The following NSD2 variants were observed in gnomAD, a reference collection of about 807,000 sequenced individuals.
NSD2 encodes nuclear receptor binding SET domain protein 2, also known as histone-lysine N-methyltransferase NSD2.
Under a neutral mutation model 139.0 loss-of-function variants are expected in NSD2, and 12 were observed. The observed-to-expected ratio is 0.09, with a 90% CI of 0.06 to 0.14. The LOEUF is 0.14. NSD2 is among the 10% of genes least tolerant of loss of function. NSD2 has a pLI of 1.00. For missense variants in NSD2, 1,155 were observed against 1,745.0 expected (o/e 0.66, Z 6.02); for synonymous variants, 669 against 648.7 (o/e 1.03, Z -0.48).
intron 5 of NSD2, among the ~76,000 whole-genome samples, chr4:1,922,965 A>G (rs1720355116): frequency 1.3e-5 from 2 of 152,092 alleles, no homozygotes; most frequent in Admixed American, 1.3e-4. Context: ...GGGCAGTGAT[A>G]TGGCCCAAGA....
rs115981044 is a variant in NSD2, at chr4:1,939,335, T to G, written c.1757-319T>G. 856 of 334,198 alleles carry G rather than the reference T, an allele frequency of 2.6e-3. 6 individuals are homozygous for G. The highest frequency in any genetic ancestry group is 0.017 in the African/African-American group (811 of 48,622). The allele number at this position is 334,198 out of a possible 1,614,324, so 20.7% of individuals were successfully genotyped here. A position where few individuals can be genotyped will look rare whatever the true frequency, so the allele number is the denominator to read the frequency against. The stretch of plus-strand genomic sequence containing the variant: ...TATGTTTAGAGATTTGTGCTAAACT[T>G]CTTATGGATGAAATGATATGTCTGG... On this transcript the variant is annotated intron_variant, in intron 8 of 21. Coordinates refer to ENST00000508803, the MANE Select transcript of NSD2 (RefSeq NM_001042424.3).
intron 1 of NSD2, among the ~76,000 whole-genome samples, chr4:1,877,584 C>G (rs1411909893): frequency 6.6e-6 from 1 of 152,150 alleles, no homozygotes; most frequent in Non-Finnish European, 1.5e-5. Context: ...TTCCTTCTGC[C>G]AGGTCTCAGC....
At chr4:1,960,448 T>A (rs929419730) in intron 17 of NSD2, among the ~76,000 whole-genome samples, 11 of 152,206 alleles carry the variant, frequency 7.2e-5, no homozygotes, top group African/African-American at 2.7e-4. Context: ...ACCTCCTGCC[T>A]CTGCTCCCAG....
chr4:1,963,165 G>A (rs1342122353), intron 18 of NSD2, among the ~76,000 whole-genome samples: 1 of 152,224 alleles, frequency 6.6e-6, no homozygotes, highest in African/African-American at 2.4e-5. Flanking sequence ...AAATAGGAAA[G>A]CTTTGCAGGG....
intron 9 of NSD2, chr4:1,945,263 T>C (rs1027485444): frequency 6.7e-5 from 71 of 1,066,470 alleles, no homozygotes; most frequent in Non-Finnish European, 8.0e-5. Context: ...GAGAGTCTCA[T>C]GTAGCTGGAG....
chr4:1,935,748 C>T lies in NSD2; in HGVS notation c.1674+486C>T, dbSNP rs894466848. 2.0e-5 allele frequency among the ~76,000 whole-genome samples: 3 copies of T among 152,136 alleles called. No individual in the cohort carries two copies. The East Asian group carries it at 5.8e-4, about 29-fold the overall frequency. On this transcript the variant is annotated intron_variant, in intron 7 of 21. Transcript: ENST00000508803. The stretch of plus-strand genomic sequence containing the variant: ...TGGTGGCGTGCACCTGTAATCCCAG[C>T]TACTCAAGAGGCTGAGGCAGGAGAA...
At position 1,942,120 on chromosome 4, in the gene NSD2, A is replaced by G; in HGVS notation, c.1881+2342A>G. ...AACACTTTAGGTCATGTTGTAGTTT[A>G]AATTCTTCTTGAAAAAGGTATATGT... On this transcript the variant is annotated intron_variant, in intron 9 of 21. Coordinates refer to ENST00000508803, the MANE Select transcript of NSD2 (RefSeq NM_001042424.3). The surrounding 1 kb of genome is among the most constrained non-coding windows in gnomAD (Gnocchi z 4.0). 7.9e-7 allele frequency: 1 copy of G among 1,267,654 alleles called. No homozygotes were observed. Among genetic ancestry groups the G allele is most frequent in the Non-Finnish European group, 1.0e-6 (1 of 1,002,552 alleles). The allele number at this position is 1,267,654 out of a possible 1,614,324, so 78.5% of individuals were successfully genotyped here.
At position 1,938,387 on chromosome 4, in the gene NSD2, CCTTTTTTT is replaced by C. The variant is rs1577493450; in HGVS notation, c.1675-58_1675-51del. The C allele has an allele frequency of 2.1e-5, 23 of 1,092,514 alleles. No individual in the cohort carries two copies. In the East Asian group the frequency reaches 6.4e-4, roughly 31 times the overall value. The allele number at this position is 1,092,514 out of a possible 1,614,324, so 67.7% of individuals were successfully genotyped here. On this transcript the variant is annotated intron_variant, in intron 7 of 21. Coordinates refer to ENST00000508803, the MANE Select transcript of NSD2 (RefSeq NM_001042424.3). Reference sequence around the variant, plus strand: ...TTTGTTGTTCTTTTTCTTTTTTTTTCCTTTTTTTCTTTTCTTTTTTTTTTCTTTCTTTT... The same window carrying C: ...TTTGTTGTTCTTTTTCTTTTTTTTTCCTTTTCTTTTTTTTTTCTTTCTTTT...
In NSD2 at chr4:1,980,424, AAAATAACCTAAGGGGG is replaced by A. The variant is rs1727644109; in HGVS notation, c.*1517_*1532del. The A allele has an allele frequency of 4.3e-6, 1 of 233,006 alleles. No homozygotes were observed. Among genetic ancestry groups the A allele is most frequent in the African/African-American group, 2.2e-5 (1 of 45,316 alleles). The allele number at this position is 233,006 out of a possible 1,614,324, so 14.4% of individuals were successfully genotyped here. ...AGGTGCTTTTTTATGGCCTTTTCTT[AAAATAACCTAAGGGGG>A]ACACATCCATCTTGCAGAGAAGTTT... On this transcript the variant is annotated 3_prime_UTR_variant, in exon 22 of 22. Transcript: ENST00000508803.
At chr4:1,957,364 A>G (rs1577541995) in intron 15 of NSD2, among the ~76,000 whole-genome samples, 1 of 143,318 alleles carries the variant, frequency 7.0e-6, no homozygotes, top group Admixed American at 6.9e-5. Flanking sequence ...GCTCACTGCA[A>G]CCTCCACCTC....
intron 9 of NSD2, chr4:1,947,867 T>C (rs1412933545): frequency 8.5e-6 from 9 of 1,053,474 alleles, no homozygotes; most frequent in Non-Finnish European, 1.0e-5. Context: ...AAAAACTCAA[T>C]GTGTATGACG....
chr4:1,877,882 A>T (rs1203978122), intron 1 of NSD2, among the ~76,000 whole-genome samples: 1 of 151,834 alleles, frequency 6.6e-6, no homozygotes, highest in Non-Finnish European at 1.5e-5. Context: ...CTCTGTTGTG[A>T]CCAGGTACTA....
chr4:1,926,181 A>C (rs534063555), intron 5 of NSD2, among the ~76,000 whole-genome samples: 6 of 130,210 alleles, frequency 4.6e-5, no homozygotes, highest in Non-Finnish European at 9.5e-5. Flanking sequence ...TTTAAGACGT[A>C]GTCTCGCACT....
At position 1,872,591 on chromosome 4, in the gene NSD2, T is replaced by TGAGAGAGAGAGAGAGAGAGAGA. The variant is rs1200688066; in HGVS notation, c.-30+1073_-30+1094dup. Among the ~76,000 whole-genome samples the TGAGAGAGAGAGAGAGAGAGAGA allele has an allele frequency of 2.5e-3, 111 of 44,840 alleles. 4 individuals carry two copies. The highest frequency in any genetic ancestry group is 3.8e-3 in the East Asian group (3 of 790). The allele number at this position is 44,840 out of a possible 152,430, so 29.4% of individuals were successfully genotyped here. ...GTGTGTGTGTGTGTGTGTGTGTGTG[T>TGAGAGAGAGAGAGAGAGAGAGA]GAGAGAGAGAGAGAGAGAGAGAGAG... On this transcript the variant is annotated intron_variant, in intron 1 of 21. Transcript: ENST00000508803.
At chr4:1,879,400 T>A (rs1481739560) in intron 1 of NSD2, among the ~76,000 whole-genome samples, 1 of 152,016 alleles carries the variant, frequency 6.6e-6, no homozygotes, top group East Asian at 1.9e-4. Context: ...TTTGTATTTT[T>A]AGTAGAGACG....
intron 18 of NSD2, among the ~76,000 whole-genome samples, chr4:1,971,656 T>A (rs1184007301): frequency 6.6e-6 from 1 of 151,986 alleles, no homozygotes; most frequent in Middle Eastern, 3.2e-3. Context: ...TATGTGAACA[T>A]GGGAGGAGGG....
intron 1 of NSD2, among the ~76,000 whole-genome samples, chr4:1,893,222 C>CT (rs1258364449): frequency 1.3e-5 from 2 of 152,206 alleles, no homozygotes; most frequent in East Asian, 3.9e-4. Context: ...AATCCCAGCA[C>CT]TTTGGGAGTC....
chr4:1,937,512 A>G (rs527869987), intron 7 of NSD2, among the ~76,000 whole-genome samples: 1 of 152,294 alleles, frequency 6.6e-6, no homozygotes, highest in Middle Eastern at 3.4e-3. Flanking sequence ...ATTAGCTCCT[A>G]TCTCAGGAGA....
At position 1,900,937 on chromosome 4, in the gene NSD2, G is replaced by T; in HGVS notation, c.283G>T (p.Asp95Tyr). The T allele has an allele frequency of 6.2e-7, 1 of 1,614,124 alleles. No individual in the cohort carries two copies. Among genetic ancestry groups the T allele is most frequent in the Non-Finnish European group, 8.5e-7 (1 of 1,180,026 alleles). Residue 95 changes from aspartate to tyrosine, a missense_variant, in exon 2 of 22, where the codon GAT becomes TAT. Asp to Tyr is a radical substitution (Grantham distance 160). Around this residue, in one of 8 missense-constraint regions of NSD2, gnomAD observed 246 missense variants for 262.8 expected, o/e 0.94. Transcript: ENST00000508803. Reference sequence around the variant, plus strand: ...GTTTAATGGAGAACCCGGCGCACACGATGCCAAACTGCGTTTTGAGTCCCA... The same window carrying T: ...GTTTAATGGAGAACCCGGCGCACACTATGCCAAACTGCGTTTTGAGTCCCA... ...RVFNGEPGAH[D>Y]AKLRFESQEM...
Sources: gnomAD v4.1 joint callset for allele counts (sites outside exome capture counted in the v4.1 genomes callset) on GRCh38, gnomAD v4.1.1 for gene constraint, gnomAD v4.1.1 regional missense constraint, Gnocchi (gnomAD v3.1) non-coding constraint, MANE v1.5 for transcripts, NCBI Gene and HGNC (gene_info 2026-07-23, HGNC 2026-07-21) for gene names.